The following HEPH variants were observed in gnomAD, a reference collection of about 807,000 sequenced individuals.
HEPH encodes the protein hephaestin.
HEPH carries 69 observed loss-of-function variants against 80.8 expected under a neutral mutation model. The observed-to-expected ratio is 0.85, with a 90% CI of 0.70 to 1.04. HEPH has a LOEUF of 1.04. Ranked by LOEUF, HEPH falls within the 50% of genes least tolerant of loss-of-function variation. The pLI, the probability that HEPH is intolerant of heterozygous loss-of-function variation, is 0.00. For missense variants in HEPH, 1,115 were observed against 891.3 expected, an observed-to-expected ratio of 1.25 and a Z score of -3.20; for synonymous variants, 431 against 322.8, an observed-to-expected ratio of 1.34 and a Z score of -3.60.
chrX:66,234,233 A>G (rs1294545689), intron 15 of HEPH, among the ~76,000 whole-genome samples: 1 of 111,303 alleles, frequency 9.0e-6, no homozygotes, highest in Non-Finnish European at 1.9e-5. Context: ...TCTGCCAAGG[A>G]CATGATCTCA....
intron 4 of HEPH, among the ~76,000 whole-genome samples, chrX:66,186,485 C>G (rs1188636912): frequency 8.9e-6 from 1 of 112,540 alleles, no homozygotes; most frequent in Non-Finnish European, 1.9e-5. Context: ...TCCATCACCC[C>G]TTTCTTTGAC....
intron 1 of HEPH, among the ~76,000 whole-genome samples, chrX:66,168,373 G>A (rs761896720): frequency 2.7e-5 from 3 of 111,888 alleles, no homozygotes; most frequent in Non-Finnish European, 5.6e-5. Context: ...ATACTTGTCC[G>A]TTTCATGTAA....
chrX:66,262,369 C>A (rs543781002), intron 19 of HEPH, among the ~76,000 whole-genome samples: 8 of 111,702 alleles, frequency 7.2e-5, no homozygotes, highest in African/African-American at 2.6e-4. Flanking sequence ...GTTTGACAGA[C>A]TGACAGATAA....
Position 66,188,583 on chromosome X carries a change from G to C in HEPH, c.808+42G>C, listed in dbSNP as rs368044041. The C allele has an allele frequency of 7.7e-5, 85 of 1,100,937 alleles. No individual in the cohort carries two copies. The Middle Eastern group carries it at 9.9e-4, about 13-fold the overall frequency. The allele number at this position is 1,100,937 out of a possible 1,213,427, so 90.7% of individuals were successfully genotyped here. A position where few individuals can be genotyped will look rare whatever the true frequency, so the allele number is the denominator to read the frequency against. On this transcript the variant is annotated intron_variant, in intron 5 of 20. Transcript: ENST00000343002. The stretch of plus-strand genomic sequence containing the variant: ...TGGCCACATTGTGACAGGGAACATT[G>C]TTGGAGGGTATCCACTGGGCCTAGT...
chrX:66,222,803 C>T (rs2089709044), intron 15 of HEPH, among the ~76,000 whole-genome samples: 1 of 111,774 alleles, frequency 8.9e-6, no homozygotes, highest in Admixed American at 9.5e-5. Context: ...TTGGCAAGTC[C>T]CCACAGGGTA....
At chrX:66,226,768 C>T (rs1365906318) in intron 15 of HEPH, among the ~76,000 whole-genome samples, 1 of 111,513 alleles carries the variant, frequency 9.0e-6, no homozygotes, top group African/African-American at 3.3e-5. Flanking sequence ...TACAGACCAA[C>T]AGCAAGCAAC....
At chrX:66,260,000 G>A (rs754490637) in intron 18 of HEPH, 100 bp from the exon 19 acceptor site, 18 of 669,796 alleles carry the variant, frequency 2.7e-5, no homozygotes, top group South Asian at 1.1e-4. Flanking sequence ...TGAAGTCTCA[G>A]CTCCCTAATG....
intron 4 of HEPH, among the ~76,000 whole-genome samples, chrX:66,175,595 G>A (rs1316696011): frequency 9.0e-6 from 1 of 111,341 alleles, no homozygotes; most frequent in East Asian, 2.8e-4. Flanking sequence ...GATTGCTTTT[G>A]GCAGTGTGGT....
intron 15 of HEPH, among the ~76,000 whole-genome samples, chrX:66,227,017 T>C (rs1255882181): frequency 2.7e-5 from 3 of 111,505 alleles, no homozygotes; most frequent in Non-Finnish European, 5.7e-5. Context: ...CTGATGAACA[T>C]AGATGCAGAA....
intron 19 of HEPH, among the ~76,000 whole-genome samples, chrX:66,261,906 T>C (rs935490876): frequency 8.9e-6 from 1 of 112,552 alleles, no homozygotes; most frequent in African/African-American, 3.2e-5. Context: ...AAGTGATCAA[T>C]TGATACATCA....
At chrX:66,188,578 A>G (rs779645894) in intron 5 of HEPH, 37 bp downstream of exon 5, 5 of 1,123,149 alleles carry the variant, frequency 4.5e-6, no homozygotes, top group Non-Finnish European at 6.1e-6. Context: ...GTGACAGGGA[A>G]CATTGTTGGA....
chrX:66,173,685 G>A lies in HEPH; in HGVS notation c.509G>A (p.Gly170Asp). The change falls in exon 4 of 21, where the codon GGC (glycine) becomes GAC (aspartate). Residue 170 changes from glycine (G) to aspartate (D), a missense_variant. Around this residue, in one of 3 missense-constraint regions of HEPH, gnomAD observed 391 missense variants for 343.6 expected, o/e 1.14. Coordinates refer to ENST00000343002, the MANE Select transcript of HEPH (RefSeq NM_001367233.3). ...ATCTACAACTGGACCATTCCAGAAG[G>A]CCATGCACCCACCGATGCTGACCCA... is the stretch of plus-strand genomic sequence containing the variant. ...SHIYNWTIPE[G>D]HAPTDADPAC... 8.3e-7 allele frequency: 1 copy of A among 1,210,105 alleles called. No individual in the cohort carries two copies. Among genetic ancestry groups the A allele is most frequent in the Non-Finnish European group, 1.1e-6 (1 of 894,495 alleles).
intron 15 of HEPH, among the ~76,000 whole-genome samples, chrX:66,209,246 C>G (rs777329208): frequency 8.9e-6 from 1 of 111,990 alleles, no homozygotes; most frequent in Non-Finnish European, 1.9e-5. Context: ...TTTGAATAGT[C>G]AGGAATGGTT....
Position 66,200,599 on chromosome X carries a change from G to A in HEPH, c.1924G>A (p.Val642Met). 1 of 1,210,003 alleles carries A rather than the reference G, an allele frequency of 8.3e-7. No individual in the cohort carries two copies. Among genetic ancestry groups the A allele is most frequent in the East Asian group, 3.0e-5 (1 of 33,816 alleles). Residue 642 changes from valine (V) to methionine (M), a missense_variant, in exon 12 of 21, where the codon GTG (valine) becomes ATG (methionine). Coordinates refer to ENST00000343002, the MANE Select transcript of HEPH (RefSeq NM_001367233.3). ...GCTGGACATGTGCAAGGGTGACACA[G>A]TGGCCTGGCACCTGCTCGGCCTGGG... Reference protein sequence around the residue: ...PRLDMCKGDTVAWHLLGLGTE... With the variant: ...PRLDMCKGDTMAWHLLGLGTE...
intron 2 of HEPH, among the ~76,000 whole-genome samples, chrX:66,171,596 T>A (rs929831343): frequency 8.9e-6 from 1 of 112,205 alleles, no homozygotes; most frequent in South Asian, 3.7e-4. Context: ...CTGAGTTCTC[T>A]GAGAAGAATT....
In HEPH at chrX:66,192,212, C is replaced by A; in HGVS notation, c.1146C>A (p.Tyr382Ter). The change falls in exon 7 of 21, where the codon TAC (tyrosine) becomes TAA (stop). Residue 382 changes from tyrosine (Y) to a stop codon, truncating the protein, a stop_gained. Coordinates refer to ENST00000343002, the MANE Select transcript of HEPH (RefSeq NM_001367233.3). LOFTEE classifies it high-confidence loss of function. ...VDLLTGKVRQYFIEAHEIQWD... is the reference protein window; with the variant it reads ...VDLLTGKVRQ ...TGCTCACAGGCAAAGTTCGACAGTACTTCATTGAGGCCCATGAGATTCAAT... is the reference window on the plus strand; with the variant it reads ...TGCTCACAGGCAAAGTTCGACAGTAATTCATTGAGGCCCATGAGATTCAAT... 8.3e-7 allele frequency: 1 copy of A among 1,210,992 alleles called. No individual in the cohort carries two copies. Among genetic ancestry groups the A allele is most frequent in the Non-Finnish European group, 1.1e-6 (1 of 894,883 alleles).
In HEPH at chrX:66,259,578, A is replaced by G. The variant is rs897552960; in HGVS notation, c.3037-522A>G. Among the ~76,000 whole-genome samples the G allele has an allele frequency of 5.3e-5, 6 of 112,287 alleles. No homozygotes were observed. In the Admixed American group the frequency reaches 5.6e-4, roughly 11 times the overall value. On this transcript the variant is annotated intron_variant, in intron 18 of 20. Coordinates refer to ENST00000343002, the MANE Select transcript of HEPH (RefSeq NM_001367233.3). ...CCCATATTTTAGCCTGCTGAAAATT[A>G]TAAAGATACTTGTTTTGAACCTTCT...
In HEPH at chrX:66,170,670, G is replaced by T; in HGVS notation, c.100G>T (p.Asp34Tyr). Residue 34 changes from aspartate (D) to tyrosine (Y), a missense_variant, in exon 2 of 21, where the codon GAT (aspartate) becomes TAT (tyrosine). Asp to Tyr is a radical substitution (Grantham distance 160). Coordinates refer to ENST00000343002, the MANE Select transcript of HEPH (RefSeq NM_001367233.3). ...TCGAGTCTACTACCTGGGCATCCGG[G>T]ATGTGCAGTGGAACTATGCTCCCAA... ...ATRVYYLGIR[D>Y]VQWNYAPKGR... 8.3e-7 allele frequency: 1 copy of T among 1,210,679 alleles called. No individual in the cohort carries two copies. Among genetic ancestry groups the T allele is most frequent in the East Asian group, 3.0e-5 (1 of 33,823 alleles).
intron 14 of HEPH, among the ~76,000 whole-genome samples, chrX:66,207,561 G>A (rs1010406859): frequency 1.4e-4 from 16 of 111,824 alleles, no homozygotes; most frequent in Non-Finnish European, 2.6e-4. Flanking sequence ...TAGCTTCAAG[G>A]TATGAGTCTC....
Sources: gnomAD v4.1 joint callset for allele counts (sites outside exome capture counted in the v4.1 genomes callset) on GRCh38, gnomAD v4.1.1 for gene constraint, gnomAD v4.1.1 regional missense constraint, MANE v1.5 for transcripts, NCBI Gene and HGNC (gene_info 2026-07-23, HGNC 2026-07-21) for gene names.